The following HPSE2 variants were observed in gnomAD, a reference collection of about 807,000 sequenced individuals.
HPSE2 encodes inactive heparanase-2.
Under a neutral mutation model 60.5 loss-of-function variants are expected in HPSE2, and 38 were observed. The observed-to-expected ratio is 0.63, with a 90% CI of 0.48 to 0.82. The LOEUF (loss-of-function observed/expected upper bound fraction) is 0.82, where lower values mean the gene tolerates loss of function less well. HPSE2 is among the 40% of genes least tolerant of loss of function. HPSE2 has a pLI of 0.00. For missense variants in HPSE2, 713 were observed against 740.4 expected, an observed-to-expected ratio of 0.96 and a Z score of 0.43; for synonymous variants, 295 against 293.2, an observed-to-expected ratio of 1.01 and a Z score of -0.06.
At chr10:98,539,097 A>G (rs947368762) in intron 9 of HPSE2, among the ~76,000 whole-genome samples, 8 of 152,236 alleles carry the variant, frequency 5.3e-5, no homozygotes, top group Non-Finnish European at 1.2e-4. Flanking sequence ...GCTTGATATT[A>G]GGCTCAGGAA....
chr10:98,466,122 C>G (rs1183061041), intron 11 of HPSE2, among the ~76,000 whole-genome samples: 1 of 152,182 alleles, frequency 6.6e-6, no homozygotes, highest in Non-Finnish European at 1.5e-5. Flanking sequence ...TTCAACTGTT[C>G]TGAGGTGTCA....
At chr10:98,621,047 C>T (rs1480246569) in intron 7 of HPSE2, among the ~76,000 whole-genome samples, 7 of 152,016 alleles carry the variant, frequency 4.6e-5, no homozygotes. Context: ...TATCAACAAG[C>T]ATTGAGAAAC....
At chr10:98,495,679 T>TA (rs1941811972) in intron 9 of HPSE2, among the ~76,000 whole-genome samples, 1 of 150,806 alleles carries the variant, frequency 6.6e-6, no homozygotes, top group Admixed American at 6.7e-5. Context: ...AATAAATTTT[T>TA]ATTTCAGTCA....
intron 3 of HPSE2, among the ~76,000 whole-genome samples, chr10:98,941,160 A>T (rs11522491): frequency 0.54 from 74,898 of 137,932 alleles, 24,943 homozygotes; most frequent in East Asian, 0.68. Flanking sequence ...GCAATCCCTT[A>T]GAAAACTGGC....
At chr10:98,986,054 C>A (rs1036292095) in intron 3 of HPSE2, among the ~76,000 whole-genome samples, 1 of 152,138 alleles carries the variant, frequency 6.6e-6, no homozygotes, top group Non-Finnish European at 1.5e-5. Context: ...GAGACTTTAA[C>A]ACCCCACTGT....
intron 6 of HPSE2, among the ~76,000 whole-genome samples, chr10:98,683,378 T>A (rs1261476503): frequency 1.5e-5 from 2 of 130,084 alleles, no homozygotes; most frequent in African/African-American, 5.7e-5. Flanking sequence ...AACTACCTAC[T>A]GGAAAAGCAA....
intron 3 of HPSE2, among the ~76,000 whole-genome samples, chr10:98,747,618 T>G (rs1166951691): frequency 6.6e-6 from 1 of 152,212 alleles, no homozygotes; most frequent in African/African-American, 2.4e-5. Context: ...AATACTTCTT[T>G]AAGAATAAGT....
chr10:98,512,301 G>C (rs1240335190), intron 9 of HPSE2, among the ~76,000 whole-genome samples: 1 of 152,218 alleles, frequency 6.6e-6, no homozygotes, highest in African/African-American at 2.4e-5. Flanking sequence ...TCGAATGGTG[G>C]CCGGGTGCAG....
chr10:99,143,175 C>T (rs1845925378), intron 3 of HPSE2, among the ~76,000 whole-genome samples: 1 of 152,092 alleles, frequency 6.6e-6, no homozygotes, highest in South Asian at 2.1e-4. Context: ...CTTATGAAAT[C>T]CATAATCCCC....
chr10:98,755,274 AG>A (rs1252209077), intron 3 of HPSE2, among the ~76,000 whole-genome samples: 2 of 152,224 alleles, frequency 1.3e-5, no homozygotes, highest in Non-Finnish European at 2.9e-5. Context: ...GAAAAGGCAA[AG>A]AAAGGCATTA....
intron 6 of HPSE2, among the ~76,000 whole-genome samples, chr10:98,666,428 T>C (rs909413003): frequency 3.3e-5 from 5 of 152,102 alleles, no homozygotes; most frequent in South Asian, 2.1e-4. Context: ...TCTTGACCAA[T>C]TGGACCTAAT....
chr10:99,080,004 T>C (rs1045355832), intron 3 of HPSE2, among the ~76,000 whole-genome samples: 4 of 152,152 alleles, frequency 2.6e-5, no homozygotes, highest in African/African-American at 4.8e-5. Context: ...AGGGTAGCAA[T>C]TCTTGTGAAA....
At chr10:98,959,256 C>T (rs1209808064) in intron 3 of HPSE2, among the ~76,000 whole-genome samples, 1 of 151,234 alleles carries the variant, frequency 6.6e-6, no homozygotes, top group Non-Finnish European at 1.5e-5. Context: ...TAAAGCTGGG[C>T]TCTTCTGAGG....
intron 3 of HPSE2, among the ~76,000 whole-genome samples, chr10:99,043,678 T>C (rs2487897): frequency 0.66 from 99,849 of 151,966 alleles, 35,728 homozygotes; most frequent in Non-Finnish European, 0.78. Flanking sequence ...AGAACCAAAC[T>C]GAACTTCTAG....
In HPSE2 at chr10:98,742,425, CA is replaced by C. The variant is rs1419454493; in HGVS notation, c.784+1457del. 3.3e-5 allele frequency among the ~76,000 whole-genome samples: 5 copies of C among 151,576 alleles called. 1 individual carries two copies. In the East Asian group the frequency reaches 5.9e-4, roughly 18 times the overall value. ...ACACTCACACATATAGTGCTCCAAA[CA>C]AATATGGGTTAGCTAGAGACATATA... On this transcript the variant is annotated intron_variant, in intron 4 of 11. Transcript: ENST00000370552.
chr10:99,213,794 C>G (rs1038597078), intron 2 of HPSE2, among the ~76,000 whole-genome samples: 3 of 152,136 alleles, frequency 2.0e-5, no homozygotes, highest in African/African-American at 7.2e-5. Context: ...CCTCAATTTC[C>G]TCTTCTACAA....
chr10:99,080,052 G>A (rs1843081312), intron 3 of HPSE2, among the ~76,000 whole-genome samples: 2 of 152,148 alleles, frequency 1.3e-5, no homozygotes, highest in East Asian at 3.9e-4. Flanking sequence ...TAATGTGGCT[G>A]GTTTCACACT....
chr10:98,988,340 A>G (rs1246134524), intron 3 of HPSE2, among the ~76,000 whole-genome samples: 4 of 152,306 alleles, frequency 2.6e-5, no homozygotes, highest in Admixed American at 2.0e-4. Flanking sequence ...AAATAACACC[A>G]CATATCTACA....
intron 3 of HPSE2, among the ~76,000 whole-genome samples, chr10:98,852,113 A>ATATATGTGTG (rs779720749): frequency 0.012 from 1,116 of 91,790 alleles, 18 homozygotes; most frequent in Non-Finnish European, 0.017. Context: ...GTATATTATG[A>ATATATGTGTG]TGTGTGTGTG....
Sources: allele counts gnomAD v4.1 joint callset (sites outside exome capture counted in the v4.1 genomes callset), GRCh38; gene constraint gnomAD v4.1.1; transcripts MANE v1.5; gene names NCBI Gene and HGNC (gene_info 2026-07-23, HGNC 2026-07-21).